The following COL4A1 variants were observed in gnomAD, a reference collection of about 807,000 sequenced individuals.
COL4A1 encodes the protein collagen alpha-1(IV) chain.
COL4A1 carries 40 observed loss-of-function variants against 216.6 expected under a neutral mutation model. The observed-to-expected ratio is 0.18, with a 90% CI of 0.14 to 0.24. COL4A1 has a LOEUF of 0.24. Among genes scored for constraint, COL4A1 ranks in the 10% least tolerant of loss-of-function variants. The probability of loss-of-function intolerance (pLI) is 1.00; values close to 1 mark genes in which losing one functional copy is unlikely to be tolerated. For synonymous variants in COL4A1, 839 were observed against 810.7 expected (o/e 1.03, Z -0.59); for missense variants, 1,628 against 2,196.8 (o/e 0.74, Z 5.18).
intron 1 of COL4A1, among the ~76,000 whole-genome samples, chr13:110,249,540 G>T (rs1881985096): frequency 6.6e-6 from 1 of 152,148 alleles, no homozygotes; most frequent in Non-Finnish European, 1.5e-5. Flanking sequence ...CTCCATTCCT[G>T]TAAAAGTCAA....
Position 110,206,854 on chromosome 13 carries a change from T to C in COL4A1, c.807+11A>G, listed in dbSNP as rs1879540422. On this transcript the variant is annotated intron_variant, in intron 14 of 51. Transcript: ENST00000375820. ...TGACCTAAAAATGATAGGCAGAAAC[T>C]GAGTACTGACCTGAAATCCAGGTTC... The C allele has an allele frequency of 1.2e-6, 2 of 1,613,896 alleles. No homozygotes were observed. Among genetic ancestry groups the C allele is most frequent in the African/African-American group, 1.3e-5 (1 of 74,854 alleles).
intron 2 of COL4A1, among the ~76,000 whole-genome samples, chr13:110,220,803 T>C (rs1365989193): frequency 1.3e-5 from 2 of 152,078 alleles, no homozygotes; most frequent in Admixed American, 1.3e-4. Context: ...GAAAGAACAG[T>C]GGCTGGGGTC....
intron 12 of COL4A1, among the ~76,000 whole-genome samples, chr13:110,208,612 C>T (rs1879626901): frequency 6.6e-6 from 1 of 152,166 alleles, no homozygotes; most frequent in African/African-American, 2.4e-5. Flanking sequence ...GAGTTAGTCT[C>T]GTTGTTCTCT....
chr13:110,191,762 T>C, intron 24 of COL4A1: 3 of 613,662 alleles, frequency 4.9e-6, no homozygotes, highest in Non-Finnish European at 8.6e-6. Context: ...TCATAGAAAC[T>C]ATTGATGCTG....
intron 1 of COL4A1, among the ~76,000 whole-genome samples, chr13:110,286,247 G>A (rs965923808): frequency 6.6e-6 from 1 of 152,212 alleles, no homozygotes; most frequent in Non-Finnish European, 1.5e-5. Context: ...ACTTGACACT[G>A]GAGGGGAAAT....
chr13:110,282,011 C>T (rs1031797092), intron 1 of COL4A1, among the ~76,000 whole-genome samples: 1 of 152,186 alleles, frequency 6.6e-6, no homozygotes, highest in Non-Finnish European at 1.5e-5. Flanking sequence ...CACCTTAGGG[C>T]CTGCTTACCA....
At chr13:110,206,377 G>A (rs972178408) in intron 15 of COL4A1, among the ~76,000 whole-genome samples, 1 of 152,234 alleles carries the variant, frequency 6.6e-6, no homozygotes, top group Non-Finnish European at 1.5e-5. Flanking sequence ...TGCTCTCAGA[G>A]CAGGACCGAA....
chr13:110,236,063 G>A (rs1009178645), intron 2 of COL4A1, among the ~76,000 whole-genome samples: 4 of 152,298 alleles, frequency 2.6e-5, no homozygotes, highest in African/African-American at 9.6e-5. Flanking sequence ...GAAAAAGTGA[G>A]TCCCATACCT....
At chr13:110,295,198 A>G (rs1278188015) in intron 1 of COL4A1, among the ~76,000 whole-genome samples, 1 of 151,588 alleles carries the variant, frequency 6.6e-6, no homozygotes, top group Non-Finnish European at 1.5e-5. Flanking sequence ...AACATCCTCA[A>G]TCTGCCAGCA....
chr13:110,166,665 T>C (rs1287498723), intron 44 of COL4A1, among the ~76,000 whole-genome samples: 3 of 152,352 alleles, frequency 2.0e-5, no homozygotes, highest in East Asian at 3.9e-4. Context: ...TACATTTTTA[T>C]AAGCATGCAG....
chr13:110,228,834 C>T (rs1157976919), intron 2 of COL4A1, among the ~76,000 whole-genome samples: 1 of 152,002 alleles, frequency 6.6e-6, no homozygotes, highest in Non-Finnish European at 1.5e-5. Context: ...CTTCACATGC[C>T]CAGATAAAAT....
Position 110,206,692 on chromosome 13 carries a change from T to C in COL4A1, c.831A>G (p.Lys277=), listed in dbSNP as rs140978802. ...TGGGTCCTGGTTTTCCGGGTTCACC[T>C]TTCTCTCCGACCCCTGGCATCCCCT... is the stretch of plus-strand genomic sequence containing the variant. The part of the protein sequence containing the change: ...GFQGMPGVGE[K]GEPGKPGPRG... Residue 277 remains lysine, a synonymous_variant, in exon 15 of 52, where the codon AAA becomes AAG. Coordinates refer to ENST00000375820, the MANE Select transcript of COL4A1 (RefSeq NM_001845.6). The C allele has an allele frequency of 3.2e-5, 51 of 1,614,196 alleles. No homozygotes were observed. In the African/African-American group the frequency reaches 5.5e-4, roughly 17 times the overall value.
chr13:110,305,226 A>G lies in COL4A1; in HGVS notation c.84+1718T>C, dbSNP rs574482359. Among the ~76,000 whole-genome samples, 15 of 152,358 alleles carry G rather than the reference A, an allele frequency of 9.8e-5. 1 individual carries two copies. The South Asian group carries it at 3.1e-3, about 32-fold the overall frequency. On this transcript the variant is annotated intron_variant, in intron 1 of 51. Transcript: ENST00000375820. ...AGGCTGCATCTCTTAAAAACAGTCC[A>G]TGGCACCTCAAGGGACACTGCAAAG...
At chr13:110,272,762 G>T (rs960641324) in intron 1 of COL4A1, among the ~76,000 whole-genome samples, 1 of 152,226 alleles carries the variant, frequency 6.6e-6, no homozygotes, top group Non-Finnish European at 1.5e-5. Flanking sequence ...GGCAGAAGTT[G>T]CTTTTCGCTA....
intron 40 of COL4A1, 23 bp downstream of exon 40, chr13:110,173,877 G>A (rs775910453): frequency 1.2e-6 from 2 of 1,613,650 alleles, no homozygotes; most frequent in African/African-American, 2.7e-5. Flanking sequence ...GATTCTGATA[G>A]GGAATGGGGC....
At chr13:110,156,960 A>T (rs1249941441) in intron 49 of COL4A1, among the ~76,000 whole-genome samples, 3 of 152,224 alleles carry the variant, frequency 2.0e-5, no homozygotes, top group Non-Finnish European at 4.4e-5. Context: ...TCAGTTAAAC[A>T]ACAGTGACTG....
chr13:110,247,448 A>G (rs1332042537), intron 1 of COL4A1, among the ~76,000 whole-genome samples: 1 of 152,332 alleles, frequency 6.6e-6, no homozygotes, highest in South Asian at 2.1e-4. Context: ...GATATGTTAA[A>G]ATAATTAATA....
At chr13:110,196,579 C>CA (rs536530722) in intron 21 of COL4A1, among the ~76,000 whole-genome samples, 25 of 148,410 alleles carry the variant, frequency 1.7e-4, no homozygotes, top group Admixed American at 7.5e-4. Context: ...AAATCCCTGA[C>CA]AAAAAAACAA....
Position 110,306,894 on chromosome 13 carries a change from C to T in COL4A1, c.84+50G>A, listed in dbSNP as rs765019831. On this transcript the variant is annotated intron_variant, in intron 1 of 51. Transcript: ENST00000375820. ...GCGCGGACAAAGGGGCCTCTCGGGG[C>T]GCCCAAGCTCGGGGCGGGACGCCGG... The T allele has an allele frequency of 4.2e-6, 6 of 1,415,150 alleles. No homozygotes were observed. In the South Asian group the frequency reaches 5.8e-5, roughly 14 times the overall value. 87.7% of individuals were successfully genotyped at this position (1,415,150 alleles called of 1,614,324 possible).
Sources: gnomAD v4.1 joint callset for allele counts (sites outside exome capture counted in the v4.1 genomes callset) on GRCh38, gnomAD v4.1.1 for gene constraint, MANE v1.5 for transcripts, NCBI Gene and HGNC (gene_info 2026-07-23, HGNC 2026-07-21) for gene names.